Variants in ARHGAP6 observed in about 807,000 individuals in gnomAD.
ARHGAP6 encodes the protein Rho GTPase activating protein 6, also known as rho GTPase-activating protein 6.
A neutral mutation model predicts 55.7 loss-of-function variants in ARHGAP6; 16 were observed. The ratio of observed to expected loss-of-function variants is 0.29; its 90% CI spans 0.19 to 0.44. The LOEUF is 0.44. Ranked by LOEUF, ARHGAP6 falls within the 20% of genes least tolerant of loss-of-function variation. ARHGAP6 has a pLI of 1.00. For synonymous variants in ARHGAP6, 382 were observed against 360.9 expected (o/e 1.06, Z -0.66); for missense variants, 698 against 808.9 (o/e 0.86, Z 1.66).
At chrX:11,435,645 T>C (rs2049980688) in intron 1 of ARHGAP6, among the ~76,000 whole-genome samples, 1 of 112,069 alleles carries the variant, frequency 8.9e-6, no homozygotes, top group Non-Finnish European at 1.9e-5. Flanking sequence ...GATGTAGTGG[T>C]AGTATGATGC....
chrX:11,535,231 T>C (rs146701805), intron 1 of ARHGAP6, among the ~76,000 whole-genome samples: 4,432 of 111,819 alleles, frequency 0.04, 95 homozygotes, highest in Non-Finnish European at 0.064. Flanking sequence ...ATCTGTGTTA[T>C]GTCTGCCCCC....
intron 1 of ARHGAP6, among the ~76,000 whole-genome samples, chrX:11,463,501 G>A (rs894021296): frequency 9.0e-6 from 1 of 110,832 alleles, no homozygotes; most frequent in Non-Finnish European, 1.9e-5. Context: ...ACCATACCTG[G>A]CTAACTTTTT....
At chrX:11,361,035 T>C (rs1380630275) in intron 1 of ARHGAP6, among the ~76,000 whole-genome samples, 1 of 111,086 alleles carries the variant, frequency 9.0e-6, no homozygotes, top group Non-Finnish European at 1.9e-5. Context: ...CATTCCATGC[T>C]CATGGGTAGG....
intron 1 of ARHGAP6, among the ~76,000 whole-genome samples, chrX:11,534,370 G>A (rs1389602077): frequency 9.0e-6 from 1 of 111,280 alleles, no homozygotes; most frequent in Non-Finnish European, 1.9e-5. Flanking sequence ...TGGGCTCCCA[G>A]TACCCTATAT....
At chrX:11,427,587 G>A (rs1166429219) in intron 1 of ARHGAP6, 11 of 905,704 alleles carry the variant, frequency 1.2e-5, no homozygotes, top group Non-Finnish European at 1.4e-5. Context: ...GGTACACCGG[G>A]TGCCCCATGT....
At chrX:11,564,802 T>C (rs1428927460) in intron 1 of ARHGAP6, among the ~76,000 whole-genome samples, 1 of 111,787 alleles carries the variant, frequency 8.9e-6, no homozygotes, top group Non-Finnish European at 1.9e-5. Context: ...ACAAGTAGAA[T>C]ATGCCACTAA....
intron 1 of ARHGAP6, among the ~76,000 whole-genome samples, chrX:11,642,903 T>A (rs1209113673): frequency 1.8e-5 from 2 of 111,568 alleles, no homozygotes; most frequent in African/African-American, 3.3e-5. Context: ...TCAATAAAGC[T>A]GTTTTTTTTA....
intron 1 of ARHGAP6, among the ~76,000 whole-genome samples, chrX:11,412,072 TAAGAAA>T (rs1159914747): frequency 1.8e-5 from 2 of 111,690 alleles, no homozygotes; most frequent in Non-Finnish European, 3.8e-5. Context: ...ATCTCTCCTT[TAAGAAA>T]ATCCTATCTC....
At chrX:11,662,189 G>A (rs933501624) in intron 1 of ARHGAP6, among the ~76,000 whole-genome samples, 5 of 112,302 alleles carry the variant, frequency 4.5e-5, no homozygotes, top group African/African-American at 1.6e-4. Context: ...TTGCCTGCAA[G>A]TGAAAAGGAC....
intron 1 of ARHGAP6, chrX:11,293,496 ATCCTTTTTATTG>A (rs2048028661): frequency 8.9e-6 from 1 of 112,153 alleles, no homozygotes; most frequent in Non-Finnish European, 1.9e-5. Flanking sequence ...ATAATTTGAT[ATCCTTTTTATTG>A]TGCTTATTTC....
chrX:11,277,928 G>A (rs1190811479), intron 1 of ARHGAP6, among the ~76,000 whole-genome samples: 1 of 111,334 alleles, frequency 9.0e-6, no homozygotes, highest in Non-Finnish European at 1.9e-5. Context: ...TAGATCAATA[G>A]GCTTGCTTTA....
intron 1 of ARHGAP6, chrX:11,334,767 A>G (rs1245467769): frequency 4.0e-6 from 1 of 251,389 alleles, no homozygotes; most frequent in African/African-American, 2.9e-5. Flanking sequence ...TGTTACCATC[A>G]CCACTGGCAA....
chrX:11,253,909 A>G (rs1175256604), intron 2 of ARHGAP6, among the ~76,000 whole-genome samples: 1 of 111,150 alleles, frequency 9.0e-6, no homozygotes, highest in Non-Finnish European at 1.9e-5. Context: ...ATCTCAAAAA[A>G]AAAAAAAAAG....
At chrX:11,498,843 C>T (rs2050649161) in intron 1 of ARHGAP6, among the ~76,000 whole-genome samples, 1 of 112,142 alleles carries the variant, frequency 8.9e-6, no homozygotes, top group Non-Finnish European at 1.9e-5. Context: ...CTCAATAATC[C>T]TGTCCATGTT....
At chrX:11,191,612 C>T (rs1021886154) in intron 3 of ARHGAP6, among the ~76,000 whole-genome samples, 8 of 111,916 alleles carry the variant, frequency 7.1e-5, no homozygotes, top group African/African-American at 2.3e-4. Context: ...CCTTTTGCCA[C>T]AGTTAAAATT....
chrX:11,357,276 T>C (rs1034288908), intron 1 of ARHGAP6, among the ~76,000 whole-genome samples: 2 of 111,819 alleles, frequency 1.8e-5, no homozygotes, highest in African/African-American at 6.5e-5. Context: ...TTACCTTTTA[T>C]AATATAATTT....
rs757985430 is a variant in ARHGAP6 at position 11,138,823 on chromosome X, CGGGGGGCTCGGGGCAG to C, written c.*24_*39del. 8.7e-7 allele frequency: 1 copy of C among 1,144,344 alleles called. No homozygotes were observed. Among genetic ancestry groups the C allele is most frequent in the Non-Finnish European group, 1.2e-6 (1 of 863,560 alleles). The allele number at this position is 1,144,344 out of a possible 1,213,427, so 94.3% of individuals were successfully genotyped here. On this transcript the variant is annotated 3_prime_UTR_variant, in exon 13 of 13. Coordinates refer to ENST00000337414, the MANE Select transcript of ARHGAP6 (RefSeq NM_013427.3). ...CCACGGTCCCCCCTGGGCTGGAGGG[CGGGGGGCTCGGGGCAG>C]GGGGGGCTCGGCTGGGTGCGGGCTC...
intron 1 of ARHGAP6, among the ~76,000 whole-genome samples, chrX:11,523,561 G>T (rs979908647): frequency 6.3e-5 from 7 of 111,568 alleles, no homozygotes; most frequent in African/African-American, 1.3e-4. Flanking sequence ...ATCAATGTGA[G>T]AATCAATTTT....
intron 1 of ARHGAP6, among the ~76,000 whole-genome samples, chrX:11,610,444 A>T (rs1022104675): frequency 5.4e-5 from 6 of 110,979 alleles, no homozygotes; most frequent in African/African-American, 2.0e-4. Context: ...AGATGAAATG[A>T]CCCATCCAAA....
Sources: allele counts gnomAD v4.1 joint callset (sites outside exome capture counted in the v4.1 genomes callset), GRCh38; gene constraint gnomAD v4.1.1; transcripts MANE v1.5; gene names NCBI Gene and HGNC (gene_info 2026-07-23, HGNC 2026-07-21).